PRSS12: variants seen among roughly 807,000 people sequenced by gnomAD.
PRSS12 encodes the protein neurotrypsin.
PRSS12 carries 85 observed loss-of-function variants against 104.4 expected under a neutral mutation model. That is an observed-to-expected ratio of 0.81 (90% CI 0.68 to 0.98). The LOEUF (loss-of-function observed/expected upper bound fraction) is 0.98, where lower values mean the gene tolerates loss of function less well. Among genes scored for constraint, PRSS12 ranks in the 50% least tolerant of loss-of-function variants. The pLI is 0.00. For synonymous variants in PRSS12, 454 were observed against 425.2 expected, an observed-to-expected ratio of 1.07 and a Z score of -0.83; for missense variants, 1,141 against 1,139.2, an observed-to-expected ratio of 1.00 and a Z score of -0.02.
intron 11 of PRSS12, among the ~76,000 whole-genome samples, chr4:118,292,544 G>C (rs114760287): frequency 2.0e-5 from 3 of 152,138 alleles, no homozygotes; most frequent in Non-Finnish European, 4.4e-5. Flanking sequence ...GTAACAGCAA[G>C]GATTCTATCT....
intron 6 of PRSS12, among the ~76,000 whole-genome samples, chr4:118,313,630 A>G (rs992784510): frequency 3.9e-5 from 6 of 152,182 alleles, no homozygotes; most frequent in African/African-American, 7.2e-5. Context: ...AAAAATTAAT[A>G]CTTTTTCCCC....
At position 118,282,203 on chromosome 4, in the gene PRSS12, G is replaced by A; in HGVS notation, c.2361C>T (p.Pro787=). The change falls in exon 13 of 13, where the codon CCC becomes CCT. Residue 787 remains proline, a synonymous_variant. Coordinates refer to ENST00000296498, the MANE Select transcript of PRSS12 (RefSeq NM_003619.4). The part of the protein sequence containing the change: ...YSRTLQQAAI[P]LLPKRFCEER... Reference sequence around the variant, plus strand: ...CTTCACAAAACCTTTTAGGAAGTAAGGGAATGGCTGCTTGTTGTAGTGTTC... The same window carrying A: ...CTTCACAAAACCTTTTAGGAAGTAAAGGAATGGCTGCTTGTTGTAGTGTTC... The A allele has an allele frequency of 3.1e-6, 5 of 1,614,168 alleles. No homozygotes were observed. Among genetic ancestry groups the A allele is most frequent in the Non-Finnish European group, 3.4e-6 (4 of 1,180,030 alleles).
intron 3 of PRSS12, among the ~76,000 whole-genome samples, chr4:118,334,637 G>T (rs1724016766): frequency 6.6e-6 from 1 of 152,090 alleles, no homozygotes; most frequent in South Asian, 2.1e-4. Flanking sequence ...CAATCCAGAG[G>T]AATTACTCCA....
At position 118,298,718 on chromosome 4, in the gene PRSS12, C is replaced by T. The variant is rs1382528893; in HGVS notation, c.1837+15G>A. On this transcript the variant is annotated intron_variant, in intron 9 of 12. Coordinates refer to ENST00000296498, the MANE Select transcript of PRSS12 (RefSeq NM_003619.4). Reference sequence around the variant, plus strand: ...GTATTCCTTGACTTGTTTAGGGCTCCAGAAGGTGACTTACCTTTATTACTG... The same window carrying T: ...GTATTCCTTGACTTGTTTAGGGCTCTAGAAGGTGACTTACCTTTATTACTG... The T allele has an allele frequency of 6.2e-7, 1 of 1,612,788 alleles. No homozygotes were observed. Among genetic ancestry groups the T allele is most frequent in the African/African-American group, 1.3e-5 (1 of 75,008 alleles).
chr4:118,308,387 T>A (rs1364924679), intron 8 of PRSS12, 49 bp downstream of exon 8: 1 of 1,611,296 alleles, frequency 6.2e-7, no homozygotes, highest in East Asian at 2.2e-5. Context: ...CATTTAAAAA[T>A]TCAGATATGC....
chr4:118,349,144 C>T (rs1462110163), intron 1 of PRSS12, among the ~76,000 whole-genome samples: 2 of 152,106 alleles, frequency 1.3e-5, no homozygotes, highest in East Asian at 3.9e-4. Flanking sequence ...CCTCATTTTT[C>T]TCAATGCAAT....
At chr4:118,288,913 G>A (rs2126026625) in intron 11 of PRSS12, among the ~76,000 whole-genome samples, 1 of 152,292 alleles carries the variant, frequency 6.6e-6, no homozygotes, top group East Asian at 1.9e-4. Flanking sequence ...TGTGAAAAAT[G>A]AGATAGCCTT....
chr4:118,282,049 C>T lies in PRSS12; in HGVS notation c.2515G>A (p.Val839Met). 6.2e-7 allele frequency: 1 copy of T among 1,614,184 alleles called. No homozygotes were observed. Among genetic ancestry groups the T allele is most frequent in the South Asian group, 1.1e-5 (1 of 91,080 alleles). The change falls in exon 13 of 13, where the codon GTG (valine) becomes ATG (methionine). Residue 839 changes from valine to methionine, a missense_variant. Transcript: ENST00000296498. ...LMCERPGESWVVYGVTSWGYG... is the reference protein window; with the variant it reads ...LMCERPGESWMVYGVTSWGYG... ...CCCCAGGAGGTCACCCCATACACCA[C>T]CCAGCTCTCTCCGGGCCGTTCACAC...
At position 118,280,324 on chromosome 4, in the gene PRSS12, CAAGTGTGT is replaced by C. The variant is rs1187770999; in HGVS notation, c.*1604_*1611del. 1 of 152,190 alleles carries C rather than the reference CAAGTGTGT, an allele frequency of 6.6e-6. No individual in the cohort carries two copies. Among genetic ancestry groups the C allele is most frequent in the East Asian group, 1.9e-4 (1 of 5,206 alleles). The allele number at this position is 152,190 out of a possible 1,614,324, so 9.4% of individuals were successfully genotyped here. A position where few individuals can be genotyped will look rare whatever the true frequency, so the allele number is the denominator to read the frequency against. On this transcript the variant is annotated 3_prime_UTR_variant, in exon 13 of 13. Coordinates refer to ENST00000296498, the MANE Select transcript of PRSS12 (RefSeq NM_003619.4). ...TGCACGTTTTTCTGAAGCCCTTGTGCAAGTGTGTGTGCCATGTGTAGTTCTATTTACAT... is the reference window on the plus strand; with the variant it reads ...TGCACGTTTTTCTGAAGCCCTTGTGCGTGCCATGTGTAGTTCTATTTACAT...
At chr4:118,316,837 A>AAAAATATATATATATATATATATATATAT (rs35698159) in intron 5 of PRSS12, among the ~76,000 whole-genome samples, 1 of 99,194 alleles carries the variant, frequency 1.0e-5, no homozygotes, top group Non-Finnish European at 2.0e-5. Flanking sequence ...AAAAAAAAAA[A>AAAAATATATATATATATATATATATATAT]ATATATATAT....
intron 1 of PRSS12, among the ~76,000 whole-genome samples, chr4:118,346,195 G>A (rs564210160): frequency 2.0e-5 from 3 of 152,246 alleles, no homozygotes; most frequent in East Asian, 1.9e-4. Context: ...AGTAGCAGAG[G>A]AACAGAAGTG....
At chr4:118,305,267 G>C (rs1416411551) in intron 8 of PRSS12, among the ~76,000 whole-genome samples, 1 of 151,634 alleles carries the variant, frequency 6.6e-6, no homozygotes, top group Admixed American at 6.6e-5. Context: ...AATACTATTT[G>C]ATGGCAAATT....
At chr4:118,307,346 TA>T (rs1743582776) in intron 8 of PRSS12, among the ~76,000 whole-genome samples, 1 of 152,166 alleles carries the variant, frequency 6.6e-6, no homozygotes, top group African/African-American at 2.4e-5. Flanking sequence ...TGTGAACTTT[TA>T]TTAAAACAGA....
chr4:118,291,292 A>G (rs1425732141), intron 11 of PRSS12, among the ~76,000 whole-genome samples: 1 of 152,080 alleles, frequency 6.6e-6, no homozygotes, highest in Non-Finnish European at 1.5e-5. Flanking sequence ...CATCCCTCAA[A>G]CATAGCTTTT....
chr4:118,335,416 G>GA (rs2126041684), intron 3 of PRSS12, 57 bp downstream of exon 3: 3 of 1,577,394 alleles, frequency 1.9e-6, no homozygotes, highest in Admixed American at 1.7e-5. Context: ...TCATCATCTG[G>GA]AATCACGTTT....
At chr4:118,285,280 AT>A (rs1425123723) in intron 11 of PRSS12, among the ~76,000 whole-genome samples, 2 of 152,176 alleles carry the variant, frequency 1.3e-5, no homozygotes, top group African/African-American at 4.8e-5. Context: ...TTTAAGTAAA[AT>A]TTAGGATTAT....
rs1304848857 is a variant in PRSS12 at position 118,280,577 on chromosome 4, T to C, written c.*1359A>G. 6.6e-6 allele frequency: 1 copy of C among 152,254 alleles called. No homozygotes were observed. Among genetic ancestry groups the C allele is most frequent in the Non-Finnish European group, 1.5e-5 (1 of 68,038 alleles). The allele number at this position is 152,254 out of a possible 1,614,324, so 9.4% of individuals were successfully genotyped here. ...ATGACTGGCATTCAAGAGGATTACT[T>C]AAAACAATTTGTAAGTTCATGCTAA... On this transcript the variant is annotated 3_prime_UTR_variant, in exon 13 of 13. Transcript: ENST00000296498.
chr4:118,281,965 G>T lies in PRSS12; in HGVS notation c.2599C>A (p.Pro867Thr). The change falls in exon 13 of 13, where the codon CCT becomes ACT. Residue 867 changes from proline to threonine, a missense_variant. By Grantham distance (38) the Pro-to-Thr change is conservative. Transcript: ENST00000296498. Reference protein sequence around the residue: ...GVYTKVSAFVPWIKSVTKL With the variant: ...GVYTKVSAFVTWIKSVTKL ...AGTTTGGTGACACTTTTTATCCAAG[G>T]TACAAAGGCTGAGACTTTGGTATAA... 1 of 1,428,826 alleles carries T rather than the reference G, an allele frequency of 7.0e-7. No homozygotes were observed. The highest frequency in any genetic ancestry group is 9.9e-7 in the Non-Finnish European group (1 of 1,010,772). 88.5% of individuals were successfully genotyped at this position (1,428,826 alleles called of 1,614,324 possible).
chr4:118,332,270 C>A (rs1723945132), intron 3 of PRSS12, among the ~76,000 whole-genome samples: 1 of 152,098 alleles, frequency 6.6e-6, no homozygotes, highest in South Asian at 2.1e-4. Flanking sequence ...ACACTTATGT[C>A]TATAACATAC....
Sources: gnomAD v4.1 joint callset for allele counts (sites outside exome capture counted in the v4.1 genomes callset) on GRCh38, gnomAD v4.1.1 for gene constraint, MANE v1.5 for transcripts, NCBI Gene and HGNC (gene_info 2026-07-23, HGNC 2026-07-21) for gene names.